Variants in VWA8 observed in about 807,000 individuals in gnomAD.
VWA8 encodes the protein von Willebrand factor A domain-containing protein 8.
VWA8 carries 221 observed loss-of-function variants against 241.5 expected under a neutral mutation model. That is an observed-to-expected ratio of 0.91 (90% CI 0.82 to 1.02). The LOEUF (loss-of-function observed/expected upper bound fraction) is 1.02. Ranked by LOEUF, VWA8 falls within the 50% of genes least tolerant of loss-of-function variation. VWA8 has a pLI of 0.00. For synonymous variants in VWA8, 852 were observed against 827.1 expected (o/e 1.03, Z -0.52); for missense variants, 2,322 against 2,328.7 (o/e 1.00, Z 0.06).
chr13:41,830,360 G>A (rs1381398103), intron 14 of VWA8, among the ~76,000 whole-genome samples, 169 bp downstream of exon 14: 2 of 150,620 alleles, frequency 1.3e-5, no homozygotes, highest in Non-Finnish European at 2.9e-5. Flanking sequence ...ACACCTTGGA[G>A]AGCAACCTCA....
At chr13:41,942,975 G>C (rs1257515177) in intron 2 of VWA8, among the ~76,000 whole-genome samples, 2 of 152,180 alleles carry the variant, frequency 1.3e-5, no homozygotes, top group Admixed American at 6.5e-5. Flanking sequence ...ATAGCAAAGA[G>C]AATTCCCCAG....
intron 2 of VWA8, among the ~76,000 whole-genome samples, chr13:41,931,695 TA>T (rs1177326180): frequency 2.7e-5 from 4 of 150,750 alleles, no homozygotes; most frequent in African/African-American, 7.3e-5. Context: ...ATGTTACATA[TA>T]AAAAATTAAA....
chr13:41,819,091 G>T, intron 15 of VWA8, 127 bp downstream of exon 15: 1 of 934,082 alleles, frequency 1.1e-6, no homozygotes, highest in Non-Finnish European at 1.5e-6. Flanking sequence ...ACCACTGTAT[G>T]AAGAAATTTG....
At chr13:41,699,398 T>C in intron 28 of VWA8, 128 bp from the exon 29 acceptor site, 1 of 873,010 alleles carries the variant, frequency 1.1e-6, no homozygotes, top group East Asian at 2.6e-5. Context: ...ATGATTTGTA[T>C]CATGGCTTGA....
At chr13:41,829,530 T>G in intron 14 of VWA8, among the ~76,000 whole-genome samples, 1 of 139,832 alleles carries the variant, frequency 7.2e-6, no homozygotes, top group South Asian at 2.3e-4. Flanking sequence ...GGAAATGTGA[T>G]ACACACACAC....
chr13:41,860,157 C>G (rs538499665), intron 12 of VWA8, among the ~76,000 whole-genome samples: 1 of 152,234 alleles, frequency 6.6e-6, no homozygotes, highest in South Asian at 2.1e-4. Flanking sequence ...AAACATATTA[C>G]AGTTATTATA....
intron 1 of VWA8, among the ~76,000 whole-genome samples, chr13:41,954,222 C>T (rs142806813): frequency 8.6e-5 from 13 of 151,954 alleles, no homozygotes; most frequent in African/African-American, 3.1e-4. Flanking sequence ...TCTTCAAACA[C>T]CATATACAAC....
At chr13:41,743,474 A>G (rs2045583067) in intron 21 of VWA8, among the ~76,000 whole-genome samples, 1 of 152,172 alleles carries the variant, frequency 6.6e-6, no homozygotes, top group South Asian at 2.1e-4. Flanking sequence ...TGTAATGTGA[A>G]AGGTTGGCTA....
chr13:41,568,094 C>A lies in VWA8; in HGVS notation c.*103G>T, dbSNP rs976135253. On this transcript the variant is annotated 3_prime_UTR_variant, in exon 45 of 45. Transcript: ENST00000379310. ...CCCAGGAATGCCGGAATCATCCAGT[C>A]ACTGCATGGGTTCACTTCATCCATA... 4 of 930,912 alleles carry A rather than the reference C, an allele frequency of 4.3e-6. No individual in the cohort carries two copies. The African/African-American group carries it at 4.9e-5, about 11-fold the overall frequency. 57.7% of individuals were successfully genotyped at this position (930,912 alleles called of 1,614,324 possible).
At chr13:41,826,202 G>A (rs192975020) in intron 14 of VWA8, among the ~76,000 whole-genome samples, 100 of 152,300 alleles carry the variant, frequency 6.6e-4, no homozygotes, top group African/African-American at 2.2e-3. Flanking sequence ...ACATGACTGT[G>A]TTTAACAACA....
Position 41,791,703 on chromosome 13 carries a change from A to T in VWA8, c.2064-4160T>A, listed in dbSNP as rs1869470618. Among the ~76,000 whole-genome samples the T allele has an allele frequency of 2.0e-5, 3 of 151,900 alleles. No individual in the cohort carries two copies. The South Asian group carries it at 6.2e-4, about 31-fold the overall frequency. The stretch of plus-strand genomic sequence containing the variant: ...TCAATATTAAGGTGTTATGATAGAT[A>T]ACTGTAAATGCATGCAACTTACTTC... On this transcript the variant is annotated intron_variant, in intron 17 of 44. Coordinates refer to ENST00000379310, the MANE Select transcript of VWA8 (RefSeq NM_015058.2).
chr13:41,705,488 G>A (rs1447897869), intron 26 of VWA8, among the ~76,000 whole-genome samples: 1 of 152,076 alleles, frequency 6.6e-6, no homozygotes, highest in East Asian at 1.9e-4. Context: ...AGGAGAATTG[G>A]GGCTCCAAAT....
intron 37 of VWA8, among the ~76,000 whole-genome samples, chr13:41,657,252 C>G (rs1324152379): frequency 6.6e-6 from 1 of 151,942 alleles, no homozygotes; most frequent in African/African-American, 2.4e-5. Context: ...AAAAGCAGAG[C>G]CAAGAGGAGA....
intron 37 of VWA8, among the ~76,000 whole-genome samples, chr13:41,638,562 C>T (rs2044774340): frequency 6.6e-6 from 1 of 152,050 alleles, no homozygotes; most frequent in African/African-American, 2.4e-5. Flanking sequence ...AGGGAACATG[C>T]TGAGTTAATG....
intron 21 of VWA8, among the ~76,000 whole-genome samples, chr13:41,756,000 CA>C (rs1277128836): frequency 4.0e-5 from 6 of 151,524 alleles, no homozygotes; most frequent in Non-Finnish European, 8.9e-5. Flanking sequence ...GAAATAGAAA[CA>C]AAACATACAA....
At chr13:41,756,362 C>G (rs1468489543) in intron 21 of VWA8, among the ~76,000 whole-genome samples, 4 of 151,616 alleles carry the variant, frequency 2.6e-5, no homozygotes, top group African/African-American at 9.7e-5. Context: ...TGACCATAAT[C>G]TAAAATTAGA....
chr13:41,955,564 T>C (rs1221935303), intron 1 of VWA8, among the ~76,000 whole-genome samples: 1 of 152,206 alleles, frequency 6.6e-6, no homozygotes, highest in African/African-American at 2.4e-5. Flanking sequence ...TCATGGCTTT[T>C]AAATTCCATA....
At chr13:41,674,599 C>T (rs112029617) in intron 36 of VWA8, among the ~76,000 whole-genome samples, 8 of 152,276 alleles carry the variant, frequency 5.3e-5, no homozygotes, top group Non-Finnish European at 7.3e-5. Context: ...CAGAAAGGGA[C>T]GGGCTCCAGG....
At chr13:41,872,836 C>A (rs572994364) in intron 9 of VWA8, among the ~76,000 whole-genome samples, 27 of 152,156 alleles carry the variant, frequency 1.8e-4, no homozygotes, top group South Asian at 1.5e-3. Flanking sequence ...TTTTCCAATT[C>A]TGTGAAGAAA....
Sources: allele counts gnomAD v4.1 joint callset (sites outside exome capture counted in the v4.1 genomes callset), GRCh38; gene constraint gnomAD v4.1.1; transcripts MANE v1.5; gene names NCBI Gene and HGNC (gene_info 2026-07-23, HGNC 2026-07-21).